ZNF480: variants seen among roughly 807,000 people sequenced by gnomAD.
ZNF480 encodes zinc finger protein 480.
Under a neutral mutation model 14.4 loss-of-function variants are expected in ZNF480, and 15 were observed. That is an observed-to-expected ratio of 1.04 (90% CI 0.70 to 1.60). The LOEUF is 1.60. Among genes scored for constraint, ZNF480 ranks in the 40% most tolerant of loss-of-function variants. ZNF480 has a pLI of 0.00. For synonymous variants in ZNF480, 218 were observed against 215.5 expected (o/e 1.01, Z -0.10); for missense variants, 593 against 629.7 (o/e 0.94, Z 0.62).
At chr19:52,305,403 G>C (rs542082080) in intron 2 of ZNF480, among the ~76,000 whole-genome samples, 5 of 151,954 alleles carry the variant, frequency 3.3e-5, no homozygotes, top group South Asian at 2.1e-4. Context: ...TTGTTTATTC[G>C]AGCTTCCAAA....
In ZNF480 at chr19:52,305,403, G is replaced by A. The variant is rs542082080; in HGVS notation, c.72+4919G>A. 7.1e-4 allele frequency among the ~76,000 whole-genome samples: 108 copies of A among 152,072 alleles called. 2 individuals are homozygous for A. Among genetic ancestry groups the A allele is most frequent in the African/African-American group, 2.5e-3 (103 of 41,464 alleles). On this transcript the variant is annotated intron_variant, in intron 2 of 4. Coordinates refer to ENST00000595962, the MANE Select transcript of ZNF480 (RefSeq NM_144684.4). ...GTAAGCTGCTTTGCCTTGTTTATTCGAGCTTCCAAATCCTCCTGTTCATTT... is the reference window on the plus strand; with the variant it reads ...GTAAGCTGCTTTGCCTTGTTTATTCAAGCTTCCAAATCCTCCTGTTCATTT...
chr19:52,322,560 G>T lies in ZNF480; in HGVS notation c.1310G>T (p.Ser437Ile), dbSNP rs376742305. The change falls in exon 5 of 5, where the codon AGT (serine) becomes ATT (isoleucine). Residue 437 changes from serine (S) to isoleucine (I), a missense_variant. Coordinates refer to ENST00000595962, the MANE Select transcript of ZNF480 (RefSeq NM_144684.4). ...YKCNECGKAF[S>I]EYSGLSAHLV... ...TGTAATGAATGTGGTAAAGCATTTA[G>T]TGAGTATTCAGGCCTTTCAGCCCAT... 186 of 1,613,980 alleles carry T rather than the reference G, an allele frequency of 1.2e-4. 1 individual carries two copies. Among genetic ancestry groups the T allele is most frequent in the Non-Finnish European group, 1.3e-4 (155 of 1,180,010 alleles).
intron 2 of ZNF480, among the ~76,000 whole-genome samples, chr19:52,303,905 C>T (rs1982808125): frequency 6.6e-6 from 1 of 152,144 alleles, no homozygotes; most frequent in Non-Finnish European, 1.5e-5. Context: ...ACTAAGGTCC[C>T]TAAGTAGGAG....
chr19:52,307,855 G>C (rs1461546091), intron 2 of ZNF480, among the ~76,000 whole-genome samples: 1 of 152,196 alleles, frequency 6.6e-6, no homozygotes, highest in African/African-American at 2.4e-5. Context: ...CAGGCCAGGT[G>C]TTCCTTGCCC....
At chr19:52,314,004 C>A in intron 2 of ZNF480, 149 bp from the exon 3 acceptor site, 1 of 871,394 alleles carries the variant, frequency 1.1e-6, no homozygotes, top group South Asian at 1.6e-5. Flanking sequence ...AACACATTTA[C>A]AGACACATAA....
intron 4 of ZNF480, chr19:52,317,345 A>C (rs1983608238): frequency 6.6e-6 from 1 of 151,732 alleles, no homozygotes; most frequent in African/African-American, 2.4e-5. Context: ...TATCTCTTCA[A>C]GATGCTGTGT....
chr19:52,301,753 A>T (rs1312503847), intron 2 of ZNF480: 7 of 152,190 alleles, frequency 4.6e-5, no homozygotes, highest in Admixed American at 4.6e-4. Flanking sequence ...TAAAGTGGCA[A>T]TGAAACACCG....
Position 52,322,513 on chromosome 19 carries a change from T to C in ZNF480, c.1263T>C (p.His421=). The C allele has an allele frequency of 6.2e-7, 1 of 1,614,146 alleles. No homozygotes were observed. Among genetic ancestry groups the C allele is most frequent in the Non-Finnish European group, 8.5e-7 (1 of 1,179,996 alleles). ...ATCTTGCACGACATCGAAGAATTCATACTGGAGAGAAGCCTTACAAATGTA... is the reference window on the plus strand; with the variant it reads ...ATCTTGCACGACATCGAAGAATTCACACTGGAGAGAAGCCTTACAAATGTA... The part of the protein sequence containing the change: ...LSNLARHRRI[H]TGEKPYKCNE... The change falls in exon 5 of 5, where the codon CAT becomes CAC. Residue 421 remains histidine (H), a synonymous_variant. Coordinates refer to ENST00000595962, the MANE Select transcript of ZNF480 (RefSeq NM_144684.4).
At chr19:52,311,604 T>G (rs1486604015) in intron 2 of ZNF480, among the ~76,000 whole-genome samples, 1 of 152,182 alleles carries the variant, frequency 6.6e-6, no homozygotes, top group African/African-American at 2.4e-5. Context: ...TGAGTACAAT[T>G]TATACATTTT....
intron 4 of ZNF480, among the ~76,000 whole-genome samples, chr19:52,320,448 T>A (rs974547020): frequency 1.3e-5 from 2 of 151,880 alleles, no homozygotes; most frequent in Non-Finnish European, 2.9e-5. Flanking sequence ...AGCCAAGGAG[T>A]TCGAGACCAG....
intron 4 of ZNF480, among the ~76,000 whole-genome samples, chr19:52,316,733 C>G (rs1383284736): frequency 1.3e-5 from 2 of 152,046 alleles, no homozygotes; most frequent in Non-Finnish European, 2.9e-5. Context: ...CACTGTCTCC[C>G]CTCCCGCTTT....
At chr19:52,312,335 AT>A in intron 2 of ZNF480, among the ~76,000 whole-genome samples, 1 of 151,404 alleles carries the variant, frequency 6.6e-6, no homozygotes, top group East Asian at 1.9e-4. Context: ...TACTTTTTGT[AT>A]TTTTTAGTAG....
At chr19:52,314,327 C>T (rs1313581111) in intron 3 of ZNF480, 48 bp downstream of exon 3, 1 of 1,443,232 alleles carries the variant, frequency 6.9e-7, no homozygotes, top group African/African-American at 1.5e-5. Flanking sequence ...TTGGTTATTT[C>T]AGCATTTTCC....
chr19:52,308,867 A>C (rs1368738323), intron 2 of ZNF480: 1 of 152,068 alleles, frequency 6.6e-6, no homozygotes, highest in South Asian at 2.1e-4. Flanking sequence ...TCATTTTTTC[A>C]ACATCAAATT....
chr19:52,311,774 T>C (rs1983298165), intron 2 of ZNF480, among the ~76,000 whole-genome samples: 1 of 151,900 alleles, frequency 6.6e-6, no homozygotes, highest in Non-Finnish European at 1.5e-5. Context: ...GCCACCTCCA[T>C]GCAACCTGGA....
chr19:52,320,515 G>A (rs62110457), intron 4 of ZNF480, among the ~76,000 whole-genome samples: 13,999 of 152,194 alleles, frequency 0.092, 986 homozygotes, highest in African/African-American at 0.19. Flanking sequence ...ACTTGCTGAG[G>A]CTGGATGTGG....
chr19:52,298,937 A>G lies in ZNF480; in HGVS notation c.-19-1457A>G, dbSNP rs192438412. 2.3e-3 allele frequency among the ~76,000 whole-genome samples: 345 copies of G among 152,296 alleles called. 6 individuals carry two copies. In the East Asian group the frequency reaches 0.03, roughly 13 times the overall value. ...GAACCCTGGGTGCAGATGAACGGTG[A>G]GTTGATTGGATATTATGATTAAGTT... On this transcript the variant is annotated intron_variant, in intron 1 of 4. Coordinates refer to ENST00000595962, the MANE Select transcript of ZNF480 (RefSeq NM_144684.4).
chr19:52,299,452 G>C (rs965392892), intron 1 of ZNF480, among the ~76,000 whole-genome samples: 1 of 152,210 alleles, frequency 6.6e-6, no homozygotes, highest in Non-Finnish European at 1.5e-5. Context: ...CGTGCTGGTT[G>C]TAAGTTCCTG....
intron 4 of ZNF480, among the ~76,000 whole-genome samples, chr19:52,319,824 T>TTG (rs1555799211): frequency 0.012 from 1,655 of 139,154 alleles, 12 homozygotes; most frequent in South Asian, 0.025. Flanking sequence ...TTTTTTTTTT[T>TTG]TTTTTTTTTT....
Sources: allele counts gnomAD v4.1 joint callset (sites outside exome capture counted in the v4.1 genomes callset), GRCh38; gene constraint gnomAD v4.1.1; transcripts MANE v1.5; gene names NCBI Gene and HGNC (gene_info 2026-07-23, HGNC 2026-07-21).